The following ZEB2 variants were observed in gnomAD, a reference collection of about 807,000 sequenced individuals.
ZEB2 encodes zinc finger E-box-binding homeobox 2.
Under a neutral mutation model 99.9 loss-of-function variants are expected in ZEB2, and 6 were observed. The ratio of observed to expected loss-of-function variants is 0.06; its 90% CI spans 0.03 to 0.12. ZEB2 has a LOEUF of 0.12. Ranked by LOEUF, ZEB2 falls within the 10% of genes least tolerant of loss-of-function variation. ZEB2 has a pLI of 1.00. For synonymous variants in ZEB2, 517 were observed against 542.5 expected (o/e 0.95, Z 0.65); for missense variants, 969 against 1,502.8 (o/e 0.64, Z 5.87).
chr2:144,426,768 T>C (rs560411570), intron 3 of ZEB2: 1 of 152,312 alleles, frequency 6.6e-6, no homozygotes, highest in African/African-American at 2.4e-5. Context: ...CACTTTTACC[T>C]AGAAAGTACT....
chr2:144,481,398 T>C (rs1704509032), intron 2 of ZEB2, among the ~76,000 whole-genome samples: 1 of 152,228 alleles, frequency 6.6e-6, no homozygotes. Context: ...TTATGACTTT[T>C]AACCCCATTT....
intron 4 of ZEB2, among the ~76,000 whole-genome samples, chr2:144,411,048 C>T (rs1573727299): frequency 9.9e-6 from 1 of 101,332 alleles, no homozygotes; most frequent in African/African-American, 3.9e-5. Flanking sequence ...CTGCAATATA[C>T]AGACATGTCT....
At chr2:144,489,407 C>T (rs1352220169) in intron 2 of ZEB2, among the ~76,000 whole-genome samples, 1 of 152,098 alleles carries the variant, frequency 6.6e-6, no homozygotes, top group Non-Finnish European at 1.5e-5. Flanking sequence ...TAAGCAAAAA[C>T]ACTCCTATCA....
At chr2:144,472,317 C>T (rs1365239174) in intron 2 of ZEB2, among the ~76,000 whole-genome samples, 1 of 151,968 alleles carries the variant, frequency 6.6e-6, no homozygotes, top group African/African-American at 2.4e-5. Flanking sequence ...TAGGTATCTT[C>T]GATTAACTTT....
intron 6 of ZEB2, among the ~76,000 whole-genome samples, chr2:144,401,811 G>GA (rs1384699985): frequency 2.0e-5 from 3 of 151,162 alleles, no homozygotes; most frequent in Admixed American, 6.6e-5. Flanking sequence ...ATTTAAAAAA[G>GA]AAAAAAAACC....
intron 2 of ZEB2, among the ~76,000 whole-genome samples, chr2:144,478,826 A>T (rs537459328): frequency 3.3e-5 from 5 of 152,358 alleles, no homozygotes; most frequent in Non-Finnish European, 4.4e-5. Flanking sequence ...CTGTGTGAAT[A>T]TACATTATCT....
chr2:144,503,910 T>C (rs1704910599), intron 2 of ZEB2: 1 of 151,992 alleles, frequency 6.6e-6, no homozygotes, highest in East Asian at 1.9e-4. Context: ...TCAAATATAA[T>C]TTTTGCTACT....
rs967646320 is a variant in ZEB2 at position 144,399,920 on chromosome 2, T to C, written c.1267A>G (p.Thr423Ala). ...SPFMNGGLGA[T>A]SPLGVHPSAQ... ...GATGGATGAACTCCTAAAGGGCTGG[T>C]GGCTCCAAGCCCACCATTCATAAAG... Residue 423 changes from threonine to alanine, a missense_variant, in exon 8 of 10, where the codon ACC becomes GCC. Physicochemically the swap from Thr to Ala is moderately conservative, Grantham distance 58 (BLOSUM62 0). Transcript: ENST00000627532. The surrounding 1 kb of genome is among the most constrained non-coding windows in gnomAD (Gnocchi z 5.6). The C allele has an allele frequency of 6.2e-7, 1 of 1,614,244 alleles. No homozygotes were observed. The highest frequency in any genetic ancestry group is 8.5e-7 in the Non-Finnish European group (1 of 1,180,034).
intron 2 of ZEB2, among the ~76,000 whole-genome samples, chr2:144,431,578 A>G (rs1444979936): frequency 6.6e-6 from 1 of 151,994 alleles, no homozygotes; most frequent in African/African-American, 2.4e-5. Flanking sequence ...CCTGGTTTGA[A>G]TACCAATTGA....
At chr2:144,447,114 T>A (rs1703996104) in intron 2 of ZEB2, among the ~76,000 whole-genome samples, 1 of 152,160 alleles carries the variant, frequency 6.6e-6, no homozygotes, top group Non-Finnish European at 1.5e-5. Context: ...TACATACCAG[T>A]GATCATATTT....
At chr2:144,465,819 TC>T (rs1265748553) in intron 2 of ZEB2, among the ~76,000 whole-genome samples, 1 of 152,148 alleles carries the variant, frequency 6.6e-6, no homozygotes, top group African/African-American at 2.4e-5. Flanking sequence ...TAAAAATTAG[TC>T]AAAGTTTATG....
intron 2 of ZEB2, among the ~76,000 whole-genome samples, chr2:144,459,867 G>C (rs1195550070): frequency 1.3e-5 from 2 of 152,086 alleles, no homozygotes; most frequent in Non-Finnish European, 2.9e-5. Context: ...AATGAGTGCA[G>C]GCTTCATTCT....
intron 2 of ZEB2, among the ~76,000 whole-genome samples, chr2:144,501,029 AT>A (rs985877307): frequency 2.1e-5 from 3 of 145,556 alleles, no homozygotes; most frequent in African/African-American, 7.7e-5. Flanking sequence ...CAAAGATCGT[AT>A]TTATATGAAG....
chr2:144,454,223 T>G (rs996788038), intron 2 of ZEB2, among the ~76,000 whole-genome samples: 3 of 152,238 alleles, frequency 2.0e-5, no homozygotes, highest in African/African-American at 7.2e-5. Flanking sequence ...CAGTTTATTT[T>G]ACATTGCTGT....
At position 144,441,560 on chromosome 2, in the gene ZEB2, A is replaced by G. The variant is rs77144198; in HGVS notation, c.74-11534T>C. ...AATTTTCTAAAAAAAAAAAAAAAAAAGGAGTAAATTTTCACTTTCTGAGGT... is the reference window on the plus strand; with the variant it reads ...AATTTTCTAAAAAAAAAAAAAAAAAGGGAGTAAATTTTCACTTTCTGAGGT... On this transcript the variant is annotated intron_variant, in intron 2 of 9. Coordinates refer to ENST00000627532, the MANE Select transcript of ZEB2 (RefSeq NM_014795.4). Among the ~76,000 whole-genome samples the G allele has an allele frequency of 6.7e-4, 102 of 151,662 alleles. 1 individual carries two copies. The highest frequency in any genetic ancestry group is 2.4e-3 in the African/African-American group (98 of 41,418).
At chr2:144,425,000 T>C in intron 3 of ZEB2, 133 bp from the exon 4 acceptor site, 2 of 895,666 alleles carry the variant, frequency 2.2e-6, no homozygotes, top group Non-Finnish European at 3.5e-6. Context: ...CTCTAAACAA[T>C]AGCTTTGTTC....
chr2:144,519,015 T>A (rs776636017), intron 1 of ZEB2, among the ~76,000 whole-genome samples: 14 of 152,124 alleles, frequency 9.2e-5, no homozygotes, highest in Non-Finnish European at 2.1e-4. Context: ...TATCAGTAGG[T>A]GGGAGATAAA....
At chr2:144,439,678 T>G (rs1703880985) in intron 2 of ZEB2, among the ~76,000 whole-genome samples, 1 of 152,244 alleles carries the variant, frequency 6.6e-6, no homozygotes. Context: ...CTGCTACTTT[T>G]CTGCAATAAA....
intron 2 of ZEB2, among the ~76,000 whole-genome samples, chr2:144,432,205 T>C (rs1703783271): frequency 6.6e-6 from 1 of 152,154 alleles, no homozygotes; most frequent in Non-Finnish European, 1.5e-5. Context: ...TGTCTCACCA[T>C]ATAGGGTCAG....
Sources: allele counts gnomAD v4.1 joint callset (sites outside exome capture counted in the v4.1 genomes callset), GRCh38; gene constraint gnomAD v4.1.1; non-coding constraint Gnocchi (gnomAD v3.1); transcripts MANE v1.5; gene names NCBI Gene and HGNC (gene_info 2026-07-23, HGNC 2026-07-21).